The following ARHGAP17 variants were observed in gnomAD, a reference collection of about 807,000 sequenced individuals.
ARHGAP17 encodes the protein Rho GTPase activating protein 17.
A neutral mutation model predicts 99.5 loss-of-function variants in ARHGAP17; 57 were observed. The observed-to-expected ratio is 0.57, with a 90% CI of 0.46 to 0.71. ARHGAP17 has a LOEUF of 0.71. Among genes scored for constraint, ARHGAP17 ranks in the 30% least tolerant of loss-of-function variants. The pLI, the probability that ARHGAP17 is intolerant of heterozygous loss-of-function variation, is 0.00. For missense variants in ARHGAP17, 1,000 were observed against 1,122.4 expected (o/e 0.89, Z 1.56); for synonymous variants, 417 against 429.6 (o/e 0.97, Z 0.36).
intron 14 of ARHGAP17, 76 bp from the exon 15 acceptor site, chr16:24,943,938 T>C: frequency 7.8e-7 from 1 of 1,288,134 alleles, no homozygotes; most frequent in Non-Finnish European, 1.1e-6. Flanking sequence ...TCAGGGCAAT[T>C]CAATTATTTT....
rs1437187781 is a variant in ARHGAP17 at position 24,978,853 on chromosome 16, T to C, written c.93+113A>G. 8 of 732,054 alleles carry C rather than the reference T, an allele frequency of 1.1e-5. 1 individual carries two copies. Among genetic ancestry groups the C allele is most frequent in the Non-Finnish European group, 1.7e-5 (8 of 473,818 alleles). The allele number at this position is 732,054 out of a possible 1,614,324, so 45.3% of individuals were successfully genotyped here. Reference sequence around the variant, plus strand: ...CTCAAAATCACACTAATTAATTTTATTCTGTTTCTGGTTAAAAAAAAAAAA... The same window carrying C: ...CTCAAAATCACACTAATTAATTTTACTCTGTTTCTGGTTAAAAAAAAAAAA... On this transcript the variant is annotated intron_variant, in intron 2 of 19. Transcript: ENST00000289968.
intron 1 of ARHGAP17, among the ~76,000 whole-genome samples, chr16:25,001,595 C>T (rs1322583351): frequency 6.6e-6 from 1 of 152,160 alleles, no homozygotes; most frequent in Non-Finnish European, 1.5e-5. Context: ...GAGACAGGGT[C>T]TCTTGCTGGA....
At chr16:25,014,832 C>G (rs2053740220) in intron 1 of ARHGAP17, among the ~76,000 whole-genome samples, 1 of 152,196 alleles carries the variant, frequency 6.6e-6, no homozygotes, top group Admixed American at 6.5e-5. Context: ...CAGAAGTCAC[C>G]GTTGTTGAGC....
At chr16:24,921,561 T>C (rs1231629237) in intron 19 of ARHGAP17, among the ~76,000 whole-genome samples, 1 of 152,148 alleles carries the variant, frequency 6.6e-6, no homozygotes, top group Non-Finnish European at 1.5e-5. Context: ...CTGGTGCACT[T>C]TGGGGAAGCT....
chr16:25,014,125 A>G (rs1481481165), intron 1 of ARHGAP17, among the ~76,000 whole-genome samples: 1 of 152,110 alleles, frequency 6.6e-6, no homozygotes, highest in African/African-American at 2.4e-5. Context: ...AATTTAGAAA[A>G]CTCGAGAGGA....
In ARHGAP17 at chr16:24,939,376, G is replaced by C. The variant is rs1269054895; in HGVS notation, c.1712C>G (p.Pro571Arg). ...SAGILEQGPS[P>R]GDGSPPKPKD... ...TCAGCCTCCTTACCTGCCGTCGCCTGGGCTCGGCCCCTGCTCCAGTATGCC... is the reference window on the plus strand; with the variant it reads ...TCAGCCTCCTTACCTGCCGTCGCCTCGGCTCGGCCCCTGCTCCAGTATGCC... The change falls in exon 17 of 20, where the codon CCA (proline) becomes CGA (arginine). Residue 571 changes from proline (P) to arginine (R), a missense_variant. Coordinates refer to ENST00000289968, the MANE Select transcript of ARHGAP17 (RefSeq NM_001006634.3). The C allele has an allele frequency of 6.2e-7, 1 of 1,605,822 alleles. No individual in the cohort carries two copies. The highest frequency in any genetic ancestry group is 1.3e-5 in the African/African-American group (1 of 74,944).
At position 24,931,380 on chromosome 16, in the gene ARHGAP17, G is replaced by A. The variant is rs758207719; in HGVS notation, c.1919C>T (p.Pro640Leu). ...RRAVKKPAPAPPKPGNPPPGH... is the reference protein window; with the variant it reads ...RRAVKKPAPALPKPGNPPPGH... ...AGGAGGTGGGTTGCCCGGTTTCGGG[G>A]GTGCTGGAGCGGGTTTTTTAACAGC... The change falls in exon 19 of 20, where the codon CCC (proline) becomes CTC (leucine). Residue 640 changes from proline (P) to leucine (L), a missense_variant. Coordinates refer to ENST00000289968, the MANE Select transcript of ARHGAP17 (RefSeq NM_001006634.3). 6.6e-7 allele frequency: 1 copy of A among 1,511,970 alleles called. No homozygotes were observed. Among genetic ancestry groups the A allele is most frequent in the African/African-American group, 1.4e-5 (1 of 71,454 alleles). The allele number at this position is 1,511,970 out of a possible 1,614,324, so 93.7% of individuals were successfully genotyped here. A position where few individuals can be genotyped will look rare whatever the true frequency, so the allele number is the denominator to read the frequency against.
At chr16:24,990,593 A>C (rs2053009607) in intron 1 of ARHGAP17, among the ~76,000 whole-genome samples, 1 of 151,718 alleles carries the variant, frequency 6.6e-6, no homozygotes, top group Non-Finnish European at 1.5e-5. Context: ...GGAAGTGGAG[A>C]CTGCAGTGAG....
rs185514766 is a variant in ARHGAP17, at chr16:24,950,745, G to C, written c.1047-1261C>G. Among the ~76,000 whole-genome samples the C allele has an allele frequency of 1.9e-4, 29 of 151,000 alleles. No individual in the cohort carries two copies. In the East Asian group the frequency reaches 5.2e-3, roughly 27 times the overall value. On this transcript the variant is annotated intron_variant, in intron 12 of 19. Transcript: ENST00000289968. Reference sequence around the variant, plus strand: ...CCAGCTACTCAGGAGGCTGAGGCAGGGGAATTGCTTGAACCAGGGAGGTGG... The same window carrying C: ...CCAGCTACTCAGGAGGCTGAGGCAGCGGAATTGCTTGAACCAGGGAGGTGG...
intron 1 of ARHGAP17, among the ~76,000 whole-genome samples, chr16:25,011,482 A>T (rs2053640874): frequency 6.6e-6 from 1 of 152,186 alleles, no homozygotes; most frequent in African/African-American, 2.4e-5. Flanking sequence ...AGGTGGGCAG[A>T]TCATCTGAGG....
In ARHGAP17 at chr16:24,935,725, G is replaced by A. The variant is rs538711721; in HGVS notation, c.1725-86C>T. Reference sequence around the variant, plus strand: ...CTGCACATAAAACATAAGATTCCAAGCAGAGTTTTCACTTCGGCAGGCAGG... The same window carrying A: ...CTGCACATAAAACATAAGATTCCAAACAGAGTTTTCACTTCGGCAGGCAGG... On this transcript the variant is annotated intron_variant, in intron 17 of 19. Transcript: ENST00000289968. 1.9e-3 allele frequency: 2,750 copies of A among 1,434,554 alleles called. 5 individuals are homozygous for A. Among genetic ancestry groups the A allele is most frequent in the Non-Finnish European group, 2.4e-3 (2,447 of 1,033,484 alleles). 88.9% of individuals were successfully genotyped at this position (1,434,554 alleles called of 1,614,324 possible). A position where few individuals can be genotyped will look rare whatever the true frequency, so the allele number is the denominator to read the frequency against.
chr16:24,970,485 C>A (rs781772703), intron 4 of ARHGAP17, 22 bp downstream of exon 4: 2 of 1,612,664 alleles, frequency 1.2e-6, no homozygotes, highest in African/African-American at 2.7e-5. Context: ...GCACTTGGCA[C>A]TCTGAAGGCA....
At chr16:24,977,440 T>A in intron 2 of ARHGAP17, 121 bp from the exon 3 acceptor site, 1 of 724,256 alleles carries the variant, frequency 1.4e-6, no homozygotes, top group South Asian at 2.5e-5. Context: ...TGGCTACACC[T>A]TGCTATCACA....
intron 2 of ARHGAP17, chr16:24,977,552 ACTGG>A: frequency 3.1e-6 from 1 of 318,332 alleles, no homozygotes; most frequent in Non-Finnish European, 5.3e-6. Flanking sequence ...CCCACTGCCA[ACTGG>A]AAAAAACCAG....
chr16:24,922,008 A>G (rs1273064463), intron 19 of ARHGAP17, among the ~76,000 whole-genome samples: 2 of 152,204 alleles, frequency 1.3e-5, no homozygotes, highest in Admixed American at 1.3e-4. Context: ...TGTTCAAGAA[A>G]TTTTGTAGCT....
At chr16:24,932,100 G>T (rs900415194) in intron 18 of ARHGAP17, among the ~76,000 whole-genome samples, 13 of 140,586 alleles carry the variant, frequency 9.2e-5, no homozygotes, top group Non-Finnish European at 1.5e-4. Context: ...AACAGAGTGA[G>T]ACCATTTCAA....
chr16:24,989,477 C>A (rs574640563), intron 1 of ARHGAP17, among the ~76,000 whole-genome samples: 1 of 152,070 alleles, frequency 6.6e-6, no homozygotes, highest in South Asian at 2.1e-4. Context: ...TTAACCAGAG[C>A]TACACATGAC....
chr16:24,945,925 T>C (rs899508209), intron 14 of ARHGAP17, among the ~76,000 whole-genome samples: 8 of 152,096 alleles, frequency 5.3e-5, no homozygotes, highest in African/African-American at 1.2e-4. Flanking sequence ...TTTCTAAGAG[T>C]CAGCGTCCTC....
intron 16 of ARHGAP17, among the ~76,000 whole-genome samples, chr16:24,940,571 C>A (rs564931074): frequency 6.6e-6 from 1 of 152,058 alleles, no homozygotes; most frequent in African/African-American, 2.4e-5. Flanking sequence ...TGAGGTGGTG[C>A]GTGCCTATAG....
Sources: gnomAD v4.1 joint callset for allele counts (sites outside exome capture counted in the v4.1 genomes callset) on GRCh38, gnomAD v4.1.1 for gene constraint, MANE v1.5 for transcripts, NCBI Gene and HGNC (gene_info 2026-07-23, HGNC 2026-07-21) for gene names.